The following REV1 variants were observed in gnomAD, a reference collection of about 807,000 sequenced individuals.
REV1 encodes the protein REV1 DNA directed polymerase.
Under a neutral mutation model 137.4 loss-of-function variants are expected in REV1, and 42 were observed. The observed-to-expected ratio is 0.31, with a 90% CI of 0.24 to 0.40. REV1 has a LOEUF of 0.40. Ranked by LOEUF, REV1 falls within the 10% of genes least tolerant of loss-of-function variation. The pLI, the probability that REV1 is intolerant of heterozygous loss-of-function variation, is 1.00. For synonymous variants in REV1, 524 were observed against 519.2 expected (o/e 1.01, Z -0.12); for missense variants, 1,282 against 1,490.1 (o/e 0.86, Z 2.30).
intron 12 of REV1, among the ~76,000 whole-genome samples, chr2:99,416,109 G>T (rs1677822387): frequency 6.6e-6 from 1 of 152,234 alleles, no homozygotes; most frequent in African/African-American, 2.4e-5. Context: ...ATGGGTACAA[G>T]GGACTAAAGA....
chr2:99,430,018 T>C, intron 8 of REV1, 70 bp from the exon 9 acceptor site: 1 of 903,474 alleles, frequency 1.1e-6, no homozygotes, highest in East Asian at 3.0e-5. Flanking sequence ...TCAAGAAATT[T>C]GTTTTCCATT....
intron 12 of REV1, 42 bp downstream of exon 12, chr2:99,418,786 T>C: frequency 1.3e-5 from 20 of 1,563,384 alleles, no homozygotes; most frequent in Non-Finnish European, 1.8e-5. Context: ...AAAGTACTTG[T>C]AATGCCTGTA....
intron 1 of REV1, among the ~76,000 whole-genome samples, chr2:99,488,529 TAG>T: frequency 2.0e-5 from 1 of 49,986 alleles, no homozygotes. Flanking sequence ...AAGGCGCAAA[TAG>T]CCTAAGAATT....
At chr2:99,469,480 A>G (rs539334397) in intron 1 of REV1, among the ~76,000 whole-genome samples, 2 of 152,344 alleles carry the variant, frequency 1.3e-5, no homozygotes, top group East Asian at 3.9e-4. Context: ...CAGGCTGTCA[A>G]TACAGCCATG....
intron 1 of REV1, among the ~76,000 whole-genome samples, chr2:99,474,867 A>C (rs1176408786): frequency 6.6e-6 from 1 of 151,546 alleles, no homozygotes; most frequent in East Asian, 1.9e-4. Flanking sequence ...GTGCCACTAC[A>C]CTCCAGCCTG....
intron 3 of REV1, among the ~76,000 whole-genome samples, chr2:99,458,972 G>A (rs1462089129): frequency 6.6e-6 from 1 of 152,076 alleles, no homozygotes; most frequent in African/African-American, 2.4e-5. Flanking sequence ...ACTTTGGGAG[G>A]CCAAGGTGGG....
At position 99,424,366 on chromosome 2, in the gene REV1, C is replaced by T. The variant is rs183211455; in HGVS notation, c.1548-86G>A. ...TCAAATATGTTGATATCTCCCCATG[C>T]CACTAATTTATAATTTCCACTTAAC... On this transcript the variant is annotated intron_variant, in intron 9 of 22. Coordinates refer to ENST00000258428, the MANE Select transcript of REV1 (RefSeq NM_016316.4). The T allele has an allele frequency of 4.7e-4, 633 of 1,337,136 alleles. 5 individuals are homozygous for T. In the African/African-American group the frequency reaches 8.5e-3, roughly 18 times the overall value. The allele number at this position is 1,337,136 out of a possible 1,614,324, so 82.8% of individuals were successfully genotyped here.
intron 1 of REV1, among the ~76,000 whole-genome samples, chr2:99,465,886 A>G (rs970414127): frequency 1.3e-5 from 2 of 152,136 alleles, no homozygotes; most frequent in Non-Finnish European, 1.5e-5. Flanking sequence ...CAACACCTTA[A>G]ACCATGACAC....
At chr2:99,435,211 T>C (rs923878123) in intron 7 of REV1, among the ~76,000 whole-genome samples, 10 of 152,176 alleles carry the variant, frequency 6.6e-5, no homozygotes, top group African/African-American at 9.7e-5. Context: ...TTCTGTGCCA[T>C]AGTGATTCCT....
chr2:99,467,624 C>T (rs1684953586), intron 1 of REV1, among the ~76,000 whole-genome samples: 1 of 152,122 alleles, frequency 6.6e-6, no homozygotes, highest in South Asian at 2.1e-4. Context: ...AAGTAGAGTC[C>T]AAGGGTCTTC....
intron 1 of REV1, among the ~76,000 whole-genome samples, chr2:99,466,387 C>T (rs905562534): frequency 6.6e-6 from 1 of 152,250 alleles, no homozygotes; most frequent in Non-Finnish European, 1.5e-5. Flanking sequence ...GGATTACAGG[C>T]ACCTGCCACC....
chr2:99,454,550 CAAAAA>C lies in REV1; in HGVS notation c.182-5051_182-5047del, dbSNP rs373850478. Among the ~76,000 whole-genome samples, 33 of 82,354 alleles carry C rather than the reference CAAAAA, an allele frequency of 4.0e-4. 1 individual carries two copies. The highest frequency in any genetic ancestry group is 9.3e-3 in the Middle Eastern group (1 of 108). 54.0% of individuals were successfully genotyped at this position (82,354 alleles called of 152,430 possible). A position where few individuals can be genotyped will look rare whatever the true frequency, so the allele number is the denominator to read the frequency against. On this transcript the variant is annotated intron_variant, in intron 3 of 22. Coordinates refer to ENST00000258428, the MANE Select transcript of REV1 (RefSeq NM_016316.4). ...GGGCAACAAGAGTGAAACTCCAGCT[CAAAAA>C]AAAAAAAAAAAAAAAAAAAAAAAAA...
At chr2:99,428,813 T>A (rs6717515) in intron 9 of REV1, among the ~76,000 whole-genome samples, 2 of 151,520 alleles carry the variant, frequency 1.3e-5, no homozygotes, top group Non-Finnish European at 2.9e-5. Flanking sequence ...CACGGTGAAA[T>A]CCTGCCTCTA....
At chr2:99,482,967 A>T (rs1235072343) in intron 1 of REV1, among the ~76,000 whole-genome samples, 1 of 151,440 alleles carries the variant, frequency 6.6e-6, no homozygotes, top group Non-Finnish European at 1.5e-5. Flanking sequence ...CAGTGAACCA[A>T]GATCATGCCA....
chr2:99,431,898 A>G (rs1680174337), intron 8 of REV1: 1 of 985,396 alleles, frequency 1.0e-6, no homozygotes, highest in Non-Finnish European at 1.2e-6. Context: ...CACATGGAGA[A>G]TGTGGAGGAA....
At chr2:99,490,129 T>A (rs1559439379), upstream of REV1, 1 of 104,958 alleles carries the variant, frequency 9.5e-6, no homozygotes, top group Admixed American at 9.8e-5. Context: ...CGCGCTCTGC[T>A]CCCCCCGGCC....
At chr2:99,406,731 A>T (rs1038687516) in intron 15 of REV1, 11 of 315,956 alleles carry the variant, frequency 3.5e-5, no homozygotes, top group Middle Eastern at 8.6e-4. Flanking sequence ...AAATATACCA[A>T]AAGATCTTTA....
chr2:99,460,791 T>A (rs1010056465), intron 3 of REV1, among the ~76,000 whole-genome samples: 7 of 152,044 alleles, frequency 4.6e-5, no homozygotes, highest in African/African-American at 1.7e-4. Flanking sequence ...ATCTCTATCC[T>A]GCAGAAAAGG....
In REV1 at chr2:99,405,999, C is replaced by G. The variant is rs866369064; in HGVS notation, c.2722G>C (p.Glu908Gln). 6.2e-7 allele frequency: 1 copy of G among 1,614,064 alleles called. No individual in the cohort carries two copies. The highest frequency in any genetic ancestry group is 8.5e-7 in the Non-Finnish European group (1 of 1,179,992). The change falls in exon 17 of 23, where the codon GAG (glutamate) becomes CAG (glutamine). Residue 908 changes from glutamate (E) to glutamine (Q), a missense_variant. By Grantham distance (29) the Glu-to-Gln change is conservative. Coordinates refer to ENST00000258428, the MANE Select transcript of REV1 (RefSeq NM_016316.4). ...LPTSPDTNKA[E>Q]SSGKWNGLHT... Reference sequence around the variant, plus strand: ...AGACCATTCCATTTCCCTGAAGACTCAGCCTTGTTAGTATCAGGACTGGTC... The same window carrying G: ...AGACCATTCCATTTCCCTGAAGACTGAGCCTTGTTAGTATCAGGACTGGTC...
Sources: allele counts gnomAD v4.1 joint callset (sites outside exome capture counted in the v4.1 genomes callset), GRCh38; gene constraint gnomAD v4.1.1; transcripts MANE v1.5; gene names NCBI Gene and HGNC (gene_info 2026-07-23, HGNC 2026-07-21).